Variants in PIWIL1 observed in about 807,000 individuals in gnomAD.
PIWIL1 encodes the protein piwi-like protein 1.
PIWIL1 carries 73 observed loss-of-function variants against 114.4 expected under a neutral mutation model. The observed-to-expected ratio is 0.64, with a 90% confidence interval of 0.53 to 0.78. The LOEUF (loss-of-function observed/expected upper bound fraction) is 0.78, where lower values mean the gene tolerates loss of function less well. Among genes scored for constraint, PIWIL1 ranks in the 30% least tolerant of loss-of-function variants. The pLI, the probability that PIWIL1 is intolerant of heterozygous loss-of-function variation, is 0.00. For missense variants in PIWIL1, 723 were observed against 1,063.1 expected, an observed-to-expected ratio of 0.68 and a Z score of 4.45; for synonymous variants, 375 against 369.0, an observed-to-expected ratio of 1.02 and a Z score of -0.19.
chr12:130,384,210 G>A, the PIWIL1 span, among the ~76,000 whole-genome samples: 2 of 152,200 alleles, frequency 1.3e-5, no homozygotes, highest in African/African-American at 4.8e-5. Context: ...ATGTGTGTGT[G>A]GCATGTACAT....
downstream of PIWIL1, among the ~76,000 whole-genome samples, chr12:130,373,867 G>T (rs139408715): frequency 6.6e-6 from 1 of 152,110 alleles, no homozygotes; most frequent in Non-Finnish European, 1.5e-5. Flanking sequence ...ATTCACTGCC[G>T]CACTCACAAA....
chr12:130,420,422 G>A, the PIWIL1 span, among the ~76,000 whole-genome samples: 1 of 152,160 alleles, frequency 6.6e-6, no homozygotes, highest in South Asian at 2.1e-4. This position sits in a 1 kb window ranked among gnomAD's most constrained non-coding sequence, Gnocchi z 4.3. Context: ...ACATAGATTT[G>A]CTCTTTCACC....
At chr12:130,418,563 T>G in the PIWIL1 span, among the ~76,000 whole-genome samples, 6 of 152,104 alleles carry the variant, frequency 3.9e-5, no homozygotes, top group Non-Finnish European at 7.4e-5. Flanking sequence ...TACGGAAAAA[T>G]GCCAGTGGAG....
the PIWIL1 span, among the ~76,000 whole-genome samples, chr12:130,388,222 T>C: frequency 6.6e-6 from 1 of 152,182 alleles, no homozygotes; most frequent in African/African-American, 2.4e-5. Context: ...CAGGTGATCC[T>C]CCTGCCTCAG....
At position 130,361,211 on chromosome 12, in the gene PIWIL1, A is replaced by T; in HGVS notation, c.1697A>T (p.Asp566Val). Residue 566 changes from aspartate (D) to valine (V), a missense_variant, in exon 15 of 21, where the codon GAC (aspartate) becomes GTC (valine). Physicochemically the swap from Asp to Val is radical, Grantham distance 152. Around this residue, in one of 8 missense-constraint regions of PIWIL1, gnomAD observed 298 missense variants for 420.8 expected, o/e 0.71. Coordinates refer to ENST00000245255, the MANE Select transcript of PIWIL1 (RefSeq NM_004764.5). ...TGTCTGTTGTCAAGTAATCGGAAGG[A>T]CAAATACGATGCTATTAAAAAATAC... ...VVCLLSSNRK[D>V]KYDAIKKYLC... 1.2e-6 allele frequency: 2 copies of T among 1,614,166 alleles called. No homozygotes were observed. Among genetic ancestry groups the T allele is most frequent in the Non-Finnish European group, 1.7e-6 (2 of 1,180,028 alleles).
the PIWIL1 span, chr12:130,407,735 G>A: frequency 8.4e-5 from 135 of 1,613,684 alleles, no homozygotes; most frequent in African/African-American, 1.2e-4. Context: ...CCTCGACATC[G>A]ACGTTGGGCG....
the PIWIL1 span, among the ~76,000 whole-genome samples, chr12:130,381,538 C>T: frequency 1.3e-5 from 2 of 152,040 alleles, no homozygotes; most frequent in Non-Finnish European, 2.9e-5. Flanking sequence ...TTTGAATGTA[C>T]CAGTACATGT....
rs1021680741 is a variant in PIWIL1 at position 130,355,138 on chromosome 12, T to C, written c.1289+133T>C. ...GGTATCTGTAGTATTTGGGGTGGGCTTGTTCTTCGTGTTTCTAAGCAAGGC... is the reference window on the plus strand; with the variant it reads ...GGTATCTGTAGTATTTGGGGTGGGCCTGTTCTTCGTGTTTCTAAGCAAGGC... On this transcript the variant is annotated intron_variant, in intron 11 of 20. Transcript: ENST00000245255. The C allele has an allele frequency of 2.2e-5, 15 of 693,612 alleles. No homozygotes were observed. The African/African-American group carries it at 2.3e-4, about 11-fold the overall frequency. 43.0% of individuals were successfully genotyped at this position (693,612 alleles called of 1,614,324 possible).
At chr12:130,382,360 G>A in the PIWIL1 span, among the ~76,000 whole-genome samples, 25 of 152,182 alleles carry the variant, frequency 1.6e-4, no homozygotes, top group Non-Finnish European at 8.8e-5. Flanking sequence ...GGTAAGCCTG[G>A]ACCTGTGAAC....
intron 1 of PIWIL1, among the ~76,000 whole-genome samples, chr12:130,340,045 A>G (rs1198662207): frequency 6.6e-6 from 1 of 152,140 alleles, no homozygotes; most frequent in Non-Finnish European, 1.5e-5. Flanking sequence ...TATGGAGTGC[A>G]GAGATGTGGG....
chr12:130,401,640 A>G, the PIWIL1 span, among the ~76,000 whole-genome samples: 13 of 151,866 alleles, frequency 8.6e-5, no homozygotes, highest in African/African-American at 3.1e-4. Flanking sequence ...TTCTCTGTTG[A>G]CATTACAGAC....
At chr12:130,346,291 C>CTGCCT (rs1224644829) in intron 4 of PIWIL1, 79 bp from the exon 5 acceptor site, 5 of 1,099,286 alleles carry the variant, frequency 4.5e-6, no homozygotes, top group Non-Finnish European at 5.4e-6. Flanking sequence ...GGAACTGTGC[C>CTGCCT]TGCCTTGTCA....
chr12:130,397,571 T>G, the PIWIL1 span: 1 of 398,658 alleles, frequency 2.5e-6, no homozygotes, highest in African/African-American at 2.1e-5. Flanking sequence ...AGTGTTACAG[T>G]TTATTGAGTG....
chr12:130,411,248 C>T, the PIWIL1 span, among the ~76,000 whole-genome samples: 1 of 152,046 alleles, frequency 6.6e-6, no homozygotes. Flanking sequence ...CTTTTTTATC[C>T]TTTGAGATTC....
At chr12:130,412,567 T>C in the PIWIL1 span, 1 of 1,529,844 alleles carries the variant, frequency 6.5e-7, no homozygotes, top group Non-Finnish European at 9.0e-7. Flanking sequence ...GAGCGGCAGG[T>C]GTTTTGTGGG....
chr12:130,417,389 G>A, the PIWIL1 span, among the ~76,000 whole-genome samples: 1 of 152,250 alleles, frequency 6.6e-6, no homozygotes, highest in Non-Finnish European at 1.5e-5. Context: ...TATACCACAT[G>A]GAATGCTATG....
chr12:130,354,336 A>G (rs1267791658), intron 9 of PIWIL1, among the ~76,000 whole-genome samples: 1 of 152,212 alleles, frequency 6.6e-6, no homozygotes, highest in Non-Finnish European at 1.5e-5. Context: ...AAGATAGGGC[A>G]CTCAGTAGAG....
chr12:130,392,975 C>T, the PIWIL1 span, among the ~76,000 whole-genome samples: 6 of 114,986 alleles, frequency 5.2e-5, 2 homozygotes, highest in East Asian at 2.3e-4. Flanking sequence ...ACCGTCATCA[C>T]GTGTGTGCGT....
At chr12:130,383,656 G>A in the PIWIL1 span, 3 of 152,178 alleles carry the variant, frequency 2.0e-5, no homozygotes, top group Non-Finnish European at 4.4e-5. Context: ...AAAAATTATA[G>A]AGGCATCAAG....
Sources: gnomAD v4.1 joint callset for allele counts (sites outside exome capture counted in the v4.1 genomes callset) on GRCh38, gnomAD v4.1.1 for gene constraint, gnomAD v4.1.1 regional missense constraint, Gnocchi (gnomAD v3.1) non-coding constraint, MANE v1.5 for transcripts, NCBI Gene and HGNC (gene_info 2026-07-23, HGNC 2026-07-21) for gene names.